Variants in NKAIN2 observed in about 807,000 individuals in gnomAD.
The protein encoded by NKAIN2 is sodium/potassium transporting ATPase interacting 2.
Under a neutral mutation model 32.6 loss-of-function variants are expected in NKAIN2, and 14 were observed. The observed-to-expected ratio is 0.43, with a 90% CI of 0.28 to 0.67. The LOEUF is 0.67. Ranked by LOEUF, NKAIN2 falls within the 30% of genes least tolerant of loss-of-function variation. The probability of loss-of-function intolerance (pLI) is 0.17; values close to 1 mark genes in which losing one functional copy is unlikely to be tolerated. For missense variants in NKAIN2, 198 were observed against 258.3 expected, an observed-to-expected ratio of 0.77 and a Z score of 1.60; for synonymous variants, 80 against 87.2, an observed-to-expected ratio of 0.92 and a Z score of 0.46.
chr6:124,037,583 T>A (rs910515982), intron 1 of NKAIN2, among the ~76,000 whole-genome samples: 19 of 152,138 alleles, frequency 1.2e-4, no homozygotes, highest in Non-Finnish European at 2.6e-4. Flanking sequence ...TTGGATTAAG[T>A]CAGTATTGTC....
chr6:124,347,759 G>T (rs1798505277), intron 2 of NKAIN2, among the ~76,000 whole-genome samples: 1 of 152,066 alleles, frequency 6.6e-6, no homozygotes, highest in African/African-American at 2.4e-5. Context: ...CAAGTTTTCA[G>T]CTTCTTTGCC....
rs575687429 is a variant in NKAIN2, at chr6:124,729,164, T to C, written c.475-62175T>C. ...ACTGGTACCATTCCTTCTGAAACTA[T>C]TCCAATCAATAGAAAAAGAGGAAAT... On this transcript the variant is annotated intron_variant, in intron 4 of 6. Transcript: ENST00000368417. 1.4e-3 allele frequency among the ~76,000 whole-genome samples: 213 copies of C among 152,292 alleles called. 1 individual carries two copies. Among genetic ancestry groups the C allele is most frequent in the Non-Finnish European group, 2.3e-3 (157 of 68,036 alleles).
intron 2 of NKAIN2, 44 bp from the exon 3 acceptor site, chr6:124,355,223 A>T (rs1485637409): frequency 7.8e-7 from 1 of 1,287,418 alleles, no homozygotes; most frequent in Admixed American, 1.7e-5. Context: ...TACTCAACTG[A>T]TTCCAAATTA....
chr6:124,581,786 T>C (rs900344937), intron 3 of NKAIN2, among the ~76,000 whole-genome samples: 7 of 152,186 alleles, frequency 4.6e-5, no homozygotes, highest in Non-Finnish European at 7.4e-5. Context: ...ATTAAGCAGA[T>C]AATTGTAAAA....
intron 1 of NKAIN2, among the ~76,000 whole-genome samples, chr6:124,192,872 C>G (rs1790097074): frequency 6.6e-6 from 1 of 151,520 alleles, no homozygotes; most frequent in African/African-American, 2.4e-5. Flanking sequence ...GCCTCAGCCT[C>G]CCGAGTAGCT....
chr6:123,969,938 A>C (rs542791494), intron 1 of NKAIN2, among the ~76,000 whole-genome samples: 4 of 152,350 alleles, frequency 2.6e-5, no homozygotes, highest in African/African-American at 9.6e-5. Flanking sequence ...TAGTGGATAT[A>C]TAAGTAAAAT....
intron 1 of NKAIN2, among the ~76,000 whole-genome samples, chr6:123,878,739 G>A (rs1156461487): frequency 1.3e-5 from 2 of 152,010 alleles, no homozygotes; most frequent in Non-Finnish European, 2.9e-5. Context: ...CCTTTCAACT[G>A]TTTCCTTTCT....
At chr6:123,933,125 A>G (rs1417189955) in intron 1 of NKAIN2, among the ~76,000 whole-genome samples, 1 of 152,242 alleles carries the variant, frequency 6.6e-6, no homozygotes, top group Non-Finnish European at 1.5e-5. Context: ...GAATGAAAAT[A>G]TGGGACCCCT....
At chr6:123,820,943 G>T (rs1331868239) in intron 1 of NKAIN2, among the ~76,000 whole-genome samples, 1 of 152,096 alleles carries the variant, frequency 6.6e-6, no homozygotes, top group Non-Finnish European at 1.5e-5. Flanking sequence ...CCTCATTCAA[G>T]AAACAATTAG....
chr6:124,137,344 T>G (rs1198743415), intron 1 of NKAIN2, among the ~76,000 whole-genome samples: 1 of 151,984 alleles, frequency 6.6e-6, no homozygotes, highest in Non-Finnish European at 1.5e-5. Context: ...AAAACACTAC[T>G]AAAAGAAATC....
intron 3 of NKAIN2, chr6:124,437,873 T>TTTTTTG (rs1491232736): frequency 6.7e-6 from 1 of 149,816 alleles, no homozygotes; most frequent in Admixed American, 1.0e-4. Flanking sequence ...GATCTATTGA[T>TTTTTTG]TTTTTTTTTT....
intron 5 of NKAIN2, among the ~76,000 whole-genome samples, chr6:124,804,177 T>C (rs538248242): frequency 7.9e-5 from 12 of 152,270 alleles, no homozygotes; most frequent in African/African-American, 2.9e-4. Context: ...TTATGATATA[T>C]CAAGTACTGG....
At chr6:124,506,733 A>G (rs924262840) in intron 3 of NKAIN2, among the ~76,000 whole-genome samples, 1 of 152,142 alleles carries the variant, frequency 6.6e-6, no homozygotes, top group Non-Finnish European at 1.5e-5. Flanking sequence ...AAGAGGGAGA[A>G]GGTTAAGAAA....
intron 4 of NKAIN2, among the ~76,000 whole-genome samples, chr6:124,755,360 G>C (rs1045093504): frequency 1.3e-5 from 2 of 152,118 alleles, no homozygotes; most frequent in Admixed American, 6.6e-5. Flanking sequence ...ACCACGTTGA[G>C]GGTGGGTCTT....
intron 2 of NKAIN2, among the ~76,000 whole-genome samples, chr6:124,321,863 G>T (rs898483832): frequency 5.3e-5 from 8 of 152,054 alleles, no homozygotes; most frequent in African/African-American, 1.9e-4. Flanking sequence ...ACTTAATATG[G>T]TTATTATCCA....
intron 3 of NKAIN2, among the ~76,000 whole-genome samples, chr6:124,473,160 G>A (rs547147006): frequency 2.7e-4 from 41 of 152,226 alleles, no homozygotes; most frequent in African/African-American, 6.5e-4. Flanking sequence ...AAAGGACCAG[G>A]GATTAATGAT....
At chr6:123,929,491 T>C (rs1420591209) in intron 1 of NKAIN2, among the ~76,000 whole-genome samples, 1 of 152,136 alleles carries the variant, frequency 6.6e-6, no homozygotes, top group Non-Finnish European at 1.5e-5. Context: ...CCTTACACAG[T>C]AGCTCAGGGC....
chr6:124,802,600 C>T (rs1056159753), intron 5 of NKAIN2, among the ~76,000 whole-genome samples: 1 of 152,130 alleles, frequency 6.6e-6, no homozygotes, highest in Non-Finnish European at 1.5e-5. Flanking sequence ...TACAGTTTCT[C>T]CACCCTGTTA....
At chr6:124,355,122 C>A in intron 2 of NKAIN2, 145 bp from the exon 3 acceptor site, 14 of 523,328 alleles carry the variant, frequency 2.7e-5, no homozygotes, top group South Asian at 5.6e-5. Flanking sequence ...GATAAACGTA[C>A]ATCTAATCCT....
Sources: allele counts gnomAD v4.1 joint callset (sites outside exome capture counted in the v4.1 genomes callset), GRCh38; gene constraint gnomAD v4.1.1; transcripts MANE v1.5; gene names NCBI Gene and HGNC (gene_info 2026-07-23, HGNC 2026-07-21).